LY96: variants seen among roughly 807,000 people sequenced by gnomAD.
The protein encoded by LY96 is myeloid differentiation protein-2.
In LY96, 18 loss-of-function variants were observed where a neutral mutation model predicts 18.9. That is an observed-to-expected ratio of 0.95 (90% CI 0.66 to 1.41). The LOEUF is 1.41. Among genes scored for constraint, LY96 ranks in the 40% most tolerant of loss-of-function variants. The probability of loss-of-function intolerance (pLI) is 0.00; values close to 1 mark genes in which losing one functional copy is unlikely to be tolerated. For synonymous variants in LY96, 66 were observed against 62.6 expected (o/e 1.06, Z -0.26); for missense variants, 175 against 182.4 (o/e 0.96, Z 0.23).
chr8:74,028,248 T>G (rs866807502), intron 4 of LY96, among the ~76,000 whole-genome samples: 4 of 152,188 alleles, frequency 2.6e-5, no homozygotes, highest in African/African-American at 4.8e-5. Flanking sequence ...TAGTATTAGG[T>G]CTTTTGGTAT....
At chr8:74,078,431 A>AT in the LY96 span, among the ~76,000 whole-genome samples, 4 of 152,218 alleles carry the variant, frequency 2.6e-5, no homozygotes, top group African/African-American at 9.7e-5. Flanking sequence ...CTTTACATAC[A>AT]TTGTCTAAAT....
At chr8:74,014,545 C>G (rs1816602887) in intron 3 of LY96, among the ~76,000 whole-genome samples, 1 of 145,880 alleles carries the variant, frequency 6.9e-6, no homozygotes, top group East Asian at 2.0e-4. Flanking sequence ...ATGTTAAGCT[C>G]AAGGTAATTT....
the LY96 span, among the ~76,000 whole-genome samples, chr8:74,054,148 C>A: frequency 6.6e-6 from 1 of 152,182 alleles, no homozygotes; most frequent in African/African-American, 2.4e-5. Flanking sequence ...CCATCTCAGG[C>A]TCCTGAGTAG....
chr8:74,015,704 G>C (rs764845096), intron 3 of LY96, among the ~76,000 whole-genome samples: 1 of 152,104 alleles, frequency 6.6e-6, no homozygotes, highest in African/African-American at 2.4e-5. Context: ...CTCAGATCCC[G>C]CCCCCTGCAT....
intron 3 of LY96, among the ~76,000 whole-genome samples, chr8:74,010,557 G>A: frequency 6.6e-6 from 1 of 152,052 alleles, no homozygotes; most frequent in Admixed American, 6.6e-5. Context: ...CCATTTACCA[G>A]CAATGTGACT....
chr8:74,080,974 TTCTTTCTC>T, the LY96 span, among the ~76,000 whole-genome samples: 46 of 144,896 alleles, frequency 3.2e-4, no homozygotes, highest in African/African-American at 1.2e-3. Context: ...CCTTCTTTCT[TTCTTTCTC>T]TCTCTTTCTT....
chr8:74,002,510 C>T (rs777443995), intron 1 of LY96, among the ~76,000 whole-genome samples: 2 of 151,850 alleles, frequency 1.3e-5, no homozygotes, highest in Non-Finnish European at 2.9e-5. Context: ...CTGCTGAACC[C>T]CTCCAGTGAA....
At chr8:74,030,463 A>G (rs760426177), downstream of LY96, among the ~76,000 whole-genome samples, 3 of 152,234 alleles carry the variant, frequency 2.0e-5, no homozygotes, top group Non-Finnish European at 2.9e-5. Flanking sequence ...TAGTGAGCCA[A>G]GATTGTGCCA....
chr8:74,064,411 C>T, the LY96 span, among the ~76,000 whole-genome samples: 2 of 152,174 alleles, frequency 1.3e-5, no homozygotes, highest in Non-Finnish European at 2.9e-5. Flanking sequence ...GGCTTGGTGT[C>T]ATCCTCATCC....
intron 3 of LY96, among the ~76,000 whole-genome samples, chr8:74,011,716 A>G (rs972971813): frequency 6.6e-6 from 1 of 152,076 alleles, no homozygotes; most frequent in Non-Finnish European, 1.5e-5. Context: ...AAAATTAGCC[A>G]GGTGTGGTGG....
At chr8:73,993,907 G>C (rs1816065921) in intron 1 of LY96, among the ~76,000 whole-genome samples, 1 of 152,100 alleles carries the variant, frequency 6.6e-6, no homozygotes, top group Non-Finnish European at 1.5e-5. Context: ...TCATTTTTGA[G>C]TGTTTAGCTC....
chr8:74,078,233 G>T, the LY96 span, among the ~76,000 whole-genome samples: 1 of 152,112 alleles, frequency 6.6e-6, no homozygotes. Flanking sequence ...ATGAAGATCT[G>T]CCCTGGAGAT....
the LY96 span, among the ~76,000 whole-genome samples, chr8:74,066,334 A>G: frequency 6.6e-6 from 1 of 152,162 alleles, no homozygotes; most frequent in Middle Eastern, 3.4e-3. Context: ...CCACATATTA[A>G]TAGTTTTCAC....
chr8:74,017,254 A>C (rs1563717348), intron 3 of LY96, among the ~76,000 whole-genome samples: 3 of 152,238 alleles, frequency 2.0e-5, no homozygotes. Flanking sequence ...TACATGACAC[A>C]TGCAGAAGCT....
chr8:73,994,319 G>A (rs142315987), intron 1 of LY96, among the ~76,000 whole-genome samples: 309 of 152,194 alleles, frequency 2.0e-3, no homozygotes, highest in African/African-American at 6.9e-3. Flanking sequence ...CTGCCTTCCC[G>A]GCCTGAGAGA....
chr8:74,046,242 G>A, the LY96 span, among the ~76,000 whole-genome samples: 1 of 152,192 alleles, frequency 6.6e-6, no homozygotes, highest in African/African-American at 2.4e-5. Context: ...TTGTGCCACT[G>A]CACTCAGGCC....
At chr8:74,068,081 A>T in the LY96 span, among the ~76,000 whole-genome samples, 1,055 of 95,316 alleles carry the variant, frequency 0.011, 77 homozygotes, top group African/African-American at 0.069. Flanking sequence ...AAAAAAAAAA[A>T]AAAAAAAAAT....
the LY96 span, among the ~76,000 whole-genome samples, chr8:74,042,245 G>A: frequency 1.4e-4 from 22 of 152,322 alleles, no homozygotes; most frequent in African/African-American, 4.6e-4. Context: ...CTGGGGCTGG[G>A]CACAGAGGCT....
intron 3 of LY96, among the ~76,000 whole-genome samples, chr8:74,019,090 A>C (rs1346810906): frequency 2.0e-5 from 3 of 152,222 alleles, no homozygotes; most frequent in Non-Finnish European, 4.4e-5. Context: ...GAACTGAACG[A>C]GATAGAGACA....
Sources: gnomAD v4.1 joint callset for allele counts (sites outside exome capture counted in the v4.1 genomes callset) on GRCh38, gnomAD v4.1.1 for gene constraint, MANE v1.5 for transcripts, NCBI Gene and HGNC (gene_info 2026-07-23, HGNC 2026-07-21) for gene names.